ABR: variants seen among roughly 807,000 people sequenced by gnomAD.
The protein encoded by ABR is ABR activator of RhoGEF and GTPase.
A neutral mutation model predicts 107.2 loss-of-function variants in ABR; 35 were observed. That is an observed-to-expected ratio of 0.33 (90% CI 0.25 to 0.43). The LOEUF (loss-of-function observed/expected upper bound fraction) is 0.43, where lower values mean the gene tolerates loss of function less well. ABR is among the 20% of genes least tolerant of loss of function. ABR has a pLI of 1.00. For synonymous variants in ABR, 498 were observed against 462.0 expected (o/e 1.08, Z -1.00); for missense variants, 815 against 1,115.2 (o/e 0.73, Z 3.83).
At chr17:1,029,118 C>CA (rs2072491467) in intron 16 of ABR, among the ~76,000 whole-genome samples, 1 of 136,852 alleles carries the variant, frequency 7.3e-6, no homozygotes, top group Admixed American at 7.3e-5. Flanking sequence ...AAAAAAAAAA[C>CA]AAACAGGGAA....
chr17:1,049,894 C>A, intron 16 of ABR, 156 bp downstream of exon 16: 1 of 1,072,118 alleles, frequency 9.3e-7, no homozygotes, highest in Non-Finnish European at 1.3e-6. Context: ...AGGCAGCCAC[C>A]TCTAGCAGGG....
In ABR at chr17:1,031,799, G is replaced by C. The variant is rs552665880; in HGVS notation, c.1791+18251C>G. 2.0e-3 allele frequency: 2,477 copies of C among 1,229,038 alleles called. 39 individuals carry two copies. In the African/African-American group the frequency reaches 0.034, roughly 17 times the overall value. 76.1% of individuals were successfully genotyped at this position (1,229,038 alleles called of 1,614,324 possible). A position where few individuals can be genotyped will look rare whatever the true frequency, so the allele number is the denominator to read the frequency against. On this transcript the variant is annotated intron_variant, in intron 16 of 22. Coordinates refer to ENST00000302538, the MANE Select transcript of ABR (RefSeq NM_021962.5). The stretch of plus-strand genomic sequence containing the variant: ...AGGCGCCTGTGGAGCGCTCAGTCCC[G>C]GCTGCCAGTCCCGCTAGTTCCCTAG...
rs534187502 is a variant in ABR, at chr17:1,021,418, G to A, written c.1792-8254C>T. Among the ~76,000 whole-genome samples the A allele has an allele frequency of 2.1e-3, 321 of 152,310 alleles. 1 individual carries two copies. The highest frequency in any genetic ancestry group is 6.9e-3 in the African/African-American group (286 of 41,566). ...GGGGCCGCCCCATCCTGCCTCTCAC[G>A]GCTGGCGCTCTTCTACCCTCCACCC... is the stretch of plus-strand genomic sequence containing the variant. On this transcript the variant is annotated intron_variant, in intron 16 of 22. Transcript: ENST00000302538.
At chr17:1,087,334 G>T (rs1282537853) in intron 4 of ABR, among the ~76,000 whole-genome samples, 1 of 152,122 alleles carries the variant, frequency 6.6e-6, no homozygotes, top group African/African-American at 2.4e-5. Context: ...GGGGCAGGCT[G>T]GCCGCAGCAT....
chr17:1,080,232 C>T (rs1056297175), intron 5 of ABR, among the ~76,000 whole-genome samples: 2 of 152,074 alleles, frequency 1.3e-5, no homozygotes, highest in Non-Finnish European at 2.9e-5. Flanking sequence ...CCAGCACCCC[C>T]GACACTCCCC....
At chr17:1,048,356 G>A (rs555345219) in intron 16 of ABR, among the ~76,000 whole-genome samples, 1 of 152,214 alleles carries the variant, frequency 6.6e-6, no homozygotes, top group Non-Finnish European at 1.5e-5. Flanking sequence ...CCTGAGATGG[G>A]GCAGCGAGTG....
chr17:1,049,015 G>A lies in ABR; in HGVS notation c.1791+1035C>T, dbSNP rs566588290. Among the ~76,000 whole-genome samples, 16 of 152,244 alleles carry A rather than the reference G, an allele frequency of 1.1e-4. No individual in the cohort carries two copies. In the South Asian group the frequency reaches 2.9e-3, roughly 28 times the overall value. On this transcript the variant is annotated intron_variant, in intron 16 of 22. Transcript: ENST00000302538. The stretch of plus-strand genomic sequence containing the variant: ...AGTGTGAGCGGCTCCACCACGTCAC[G>A]CCTTTTCCCGCTCCCAAGCCTACTT...
chr17:1,041,378 G>A (rs557942174), intron 16 of ABR, among the ~76,000 whole-genome samples: 1 of 152,348 alleles, frequency 6.6e-6, no homozygotes, highest in East Asian at 1.9e-4. Context: ...GCTCTTCCAG[G>A]TATGTGAGAT....
At chr17:1,031,052 C>T (rs757917865) in intron 16 of ABR, among the ~76,000 whole-genome samples, 18 of 152,188 alleles carry the variant, frequency 1.2e-4, no homozygotes, top group South Asian at 6.2e-4. Flanking sequence ...GGCACATGGA[C>T]GGAACGCCTG....
rs1291537323 is a variant in ABR, at chr17:1,092,177, G to T, written c.346-327C>A. Among the ~76,000 whole-genome samples, 1 of 152,188 alleles carries T rather than the reference G, an allele frequency of 6.6e-6. No homozygotes were observed. The highest frequency in any genetic ancestry group is 1.5e-5 in the Non-Finnish European group (1 of 68,026). On this transcript the variant is annotated intron_variant, in intron 3 of 22. Transcript: ENST00000302538. The surrounding 1 kb of genome is among the most constrained non-coding windows in gnomAD (Gnocchi z 4.6). ...CCGCGTCTTTCTTCCACGATAGCCTGTGCCCCGAGTCATAAGCTCCTTGTC... is the reference window on the plus strand; with the variant it reads ...CCGCGTCTTTCTTCCACGATAGCCTTTGCCCCGAGTCATAAGCTCCTTGTC...
chr17:1,192,997 G>A lies in ABR; in HGVS notation c.838+35796C>T, dbSNP rs546958412. On this transcript the variant is annotated intron_variant, in intron 1 of 22. Transcript: ENST00000574139. ...CAGGAGGCGGAGGCTGTAGTGAGCC[G>A]AGATTGCGCCATTGCACTCCAGCCT... Among the ~76,000 whole-genome samples the A allele has an allele frequency of 3.9e-5, 6 of 152,308 alleles. No individual in the cohort carries two copies. In the East Asian group the frequency reaches 7.7e-4, roughly 20 times the overall value.
intron 3 of ABR, among the ~76,000 whole-genome samples, chr17:1,093,616 GC>G (rs1213818657): frequency 6.6e-6 from 1 of 152,134 alleles, no homozygotes; most frequent in African/African-American, 2.4e-5. Context: ...AAGCATTCTA[GC>G]AGAGAATGGG....
In ABR at chr17:1,037,416, G is replaced by A. The variant is rs1567626416; in HGVS notation, c.1791+12634C>T. ...GGTGCTCGGTGGTTCTAGGTACGGAGGAGAGGCTGAAACAGCCCAAGAGCT... is the reference window on the plus strand; with the variant it reads ...GGTGCTCGGTGGTTCTAGGTACGGAAGAGAGGCTGAAACAGCCCAAGAGCT... On this transcript the variant is annotated intron_variant, in intron 16 of 22. Coordinates refer to ENST00000302538, the MANE Select transcript of ABR (RefSeq NM_021962.5). This position sits in a 1 kb window ranked among gnomAD's most constrained non-coding sequence, Gnocchi z 4.6. Among the ~76,000 whole-genome samples the A allele has an allele frequency of 6.6e-6, 1 of 152,320 alleles. No homozygotes were observed. The highest frequency in any genetic ancestry group is 1.9e-4 in the East Asian group (1 of 5,180).
intron 3 of ABR, among the ~76,000 whole-genome samples, chr17:1,096,793 T>TG (rs2037473965): frequency 6.2e-5 from 1 of 16,202 alleles, no homozygotes; most frequent in Non-Finnish European, 1.3e-4. Context: ...CTGGGGGAAG[T>TG]GGGGGAACCT....
intron 16 of ABR, among the ~76,000 whole-genome samples, chr17:1,014,436 G>A (rs1208748199): frequency 6.0e-5 from 9 of 150,634 alleles, no homozygotes; most frequent in South Asian, 2.1e-4. Flanking sequence ...GCGAGACTCC[G>A]TCTCAAAAAA....
At chr17:1,026,506 G>A (rs998128195) in intron 16 of ABR, among the ~76,000 whole-genome samples, 1 of 152,184 alleles carries the variant, frequency 6.6e-6, no homozygotes, top group Admixed American at 6.5e-5. Flanking sequence ...TCTTGAAGCG[G>A]GACTGGGGAA....
chr17:1,087,529 C>T (rs2036683297), intron 4 of ABR, among the ~76,000 whole-genome samples: 2 of 127,446 alleles, frequency 1.6e-5, no homozygotes, highest in Admixed American at 8.4e-5. Context: ...GGGGCAGGGC[C>T]GGACTTTTAA....
At chr17:1,117,958 T>TC (rs2039110461) in intron 2 of ABR, among the ~76,000 whole-genome samples, 1 of 89,214 alleles carries the variant, frequency 1.1e-5, no homozygotes. Context: ...GAGCCTGAGT[T>TC]CTCCCCAGCG....
In ABR at chr17:1,125,367, T is replaced by C. The variant is rs747789522; in HGVS notation, c.62A>G (p.Asn21Ser). The change falls in exon 2 of 23, where the codon AAC becomes AGC. Residue 21 changes from asparagine to serine, a missense_variant and splice_region_variant. Transcript: ENST00000302538. ...RLSWIDTLYS[N>S]FSYGTDEYDG... The stretch of plus-strand genomic sequence containing the variant: ...GTACTCGTCCGTCCCGTAGCTGAAG[T>C]CTGAGACAAGGAACAAGAAAGGCCA... 1 of 1,612,956 alleles carries C rather than the reference T, an allele frequency of 6.2e-7. No individual in the cohort carries two copies. The highest frequency in any genetic ancestry group is 8.5e-7 in the Non-Finnish European group (1 of 1,179,954).
Sources: allele counts gnomAD v4.1 joint callset (sites outside exome capture counted in the v4.1 genomes callset), GRCh38; gene constraint gnomAD v4.1.1; non-coding constraint Gnocchi (gnomAD v3.1); transcripts MANE v1.5; gene names NCBI Gene and HGNC (gene_info 2026-07-23, HGNC 2026-07-21).